Variants in LRRC9 observed in about 807,000 individuals in gnomAD.
The protein encoded by LRRC9 is leucine-rich repeat-containing protein 9.
Under a neutral mutation model 63.2 loss-of-function variants are expected in LRRC9, and 122 were observed. The ratio of observed to expected loss-of-function variants is 1.93; its 90% CI spans 1.67 to 2.24. The LOEUF (loss-of-function observed/expected upper bound fraction) is 2.24. Among genes scored for constraint, LRRC9 ranks in the 30% most tolerant of loss-of-function variants. LRRC9 has a pLI of 0.00. For missense variants in LRRC9, 1,071 were observed against 627.7 expected (o/e 1.71, Z -7.55); for synonymous variants, 366 against 213.1 (o/e 1.72, Z -6.25).
intron 29 of LRRC9, among the ~76,000 whole-genome samples, chr14:60,038,649 G>C (rs972895769): frequency 6.6e-6 from 1 of 152,182 alleles, no homozygotes; most frequent in African/African-American, 2.4e-5. Flanking sequence ...TTGCTTATCA[G>C]CTTACGGAGA....
chr14:59,926,984 T>A (rs1179786723), intron 1 of LRRC9, among the ~76,000 whole-genome samples: 1 of 152,170 alleles, frequency 6.6e-6, no homozygotes, highest in East Asian at 1.9e-4. Context: ...AAAAGTATCA[T>A]TTTTTCTTTT....
chr14:59,961,418 C>T (rs118006171), intron 10 of LRRC9, among the ~76,000 whole-genome samples: 2,125 of 152,086 alleles, frequency 0.014, 28 homozygotes, highest in South Asian at 0.032. Flanking sequence ...GTGCATGATT[C>T]TGAATATTGG....
At chr14:60,012,300 T>C (rs951119965) in intron 23 of LRRC9, among the ~76,000 whole-genome samples, 3 of 152,150 alleles carry the variant, frequency 2.0e-5, no homozygotes, top group African/African-American at 4.8e-5. Context: ...CTGAGCCTCA[T>C]TCTCTGTCCA....
At chr14:59,954,608 G>A (rs943549978) in intron 8 of LRRC9, among the ~76,000 whole-genome samples, 2 of 152,176 alleles carry the variant, frequency 1.3e-5, no homozygotes, top group Non-Finnish European at 2.9e-5. Flanking sequence ...TCTGCAAACA[G>A]AGACAATTTG....
chr14:59,983,032 C>T (rs1396989363), intron 16 of LRRC9, among the ~76,000 whole-genome samples: 2 of 152,162 alleles, frequency 1.3e-5, no homozygotes, highest in Non-Finnish European at 1.5e-5. Flanking sequence ...AGATATTAGG[C>T]CTACTTCTAT....
chr14:60,052,713 T>C (rs951493210), intron 29 of LRRC9, among the ~76,000 whole-genome samples: 1 of 152,226 alleles, frequency 6.6e-6, no homozygotes. Flanking sequence ...TAGGTGTGTG[T>C]TGAATTAATT....
intron 8 of LRRC9, among the ~76,000 whole-genome samples, chr14:59,955,644 C>T (rs1883663124): frequency 6.6e-6 from 1 of 152,148 alleles, no homozygotes; most frequent in Non-Finnish European, 1.5e-5. Context: ...CTACCTCCTT[C>T]AGTTCTGCTC....
rs1881905696 is a variant in LRRC9, at chr14:59,942,687, C to T, written c.727-1902C>T. ...AAGTTGCGGTGAGCCGATATCACAC[C>T]ACTGCACTTCAGCCTGGGTGACAGA... On this transcript the variant is annotated intron_variant, in intron 7 of 31. Transcript: ENST00000445360. This position sits in a 1 kb window ranked among gnomAD's most constrained non-coding sequence, Gnocchi z 5.3. Among the ~76,000 whole-genome samples the T allele has an allele frequency of 6.6e-6, 1 of 152,136 alleles. No homozygotes were observed. Among genetic ancestry groups the T allele is most frequent in the Admixed American group, 6.5e-5 (1 of 15,274 alleles).
intron 10 of LRRC9, among the ~76,000 whole-genome samples, chr14:59,965,093 T>A (rs1396443992): frequency 2.0e-5 from 3 of 152,110 alleles, no homozygotes; most frequent in African/African-American, 7.2e-5. Flanking sequence ...GCAAATGTAT[T>A]CCTTATAAGA....
At chr14:59,959,185 T>C (rs1257637939) in intron 8 of LRRC9, among the ~76,000 whole-genome samples, 2 of 152,180 alleles carry the variant, frequency 1.3e-5, no homozygotes, top group Non-Finnish European at 2.9e-5. Flanking sequence ...GTAATCAAGA[T>C]AAATAATATT....
chr14:60,031,068 C>T lies in LRRC9; in HGVS notation c.3922-927C>T, dbSNP rs987846472. On this transcript the variant is annotated intron_variant, in intron 28 of 31. Coordinates refer to ENST00000445360, the Ensembl canonical transcript of LRRC9. This position sits in a 1 kb window ranked among gnomAD's most constrained non-coding sequence, Gnocchi z 4.6. ...TTTGAGAAAATAATGTAAGACTTTTCGCATGTCCATGATTACTGATCAGGC... is the reference window on the plus strand; with the variant it reads ...TTTGAGAAAATAATGTAAGACTTTTTGCATGTCCATGATTACTGATCAGGC... 9.9e-5 allele frequency among the ~76,000 whole-genome samples: 15 copies of T among 152,028 alleles called. No homozygotes were observed. Among genetic ancestry groups the T allele is most frequent in the East Asian group, 7.7e-4 (4 of 5,188 alleles).
At chr14:59,979,337 G>A (rs1286952451) in intron 15 of LRRC9, among the ~76,000 whole-genome samples, 7 of 152,202 alleles carry the variant, frequency 4.6e-5, no homozygotes, top group East Asian at 1.9e-4. Flanking sequence ...AGAAAAACTC[G>A]GCCAGGTGCG....
chr14:60,053,031 G>A lies in LRRC9; in HGVS notation c.3991-34G>A. The stretch of plus-strand genomic sequence containing the variant: ...GGTTAATCTTTGAAATAAAAGTTTT[G>A]TAGGAATAAATTGTTATTTTTAACT... On this transcript the variant is annotated intron_variant, in intron 29 of 31. Transcript: ENST00000445360. This position sits in a 1 kb window ranked among gnomAD's most constrained non-coding sequence, Gnocchi z 4.8. The A allele has an allele frequency of 1.5e-6, 1 of 680,452 alleles. No homozygotes were observed. The highest frequency in any genetic ancestry group is 2.7e-6 in the Non-Finnish European group (1 of 373,242). The allele number at this position is 680,452 out of a possible 1,614,324, so 42.2% of individuals were successfully genotyped here.
chr14:60,019,799 A>G (rs219395), intron 26 of LRRC9, among the ~76,000 whole-genome samples: 113,385 of 151,176 alleles, frequency 0.75, 44,600 homozygotes, highest in Non-Finnish European at 0.87. Context: ...AAAAAATGAC[A>G]ACAAACCTTC....
chr14:59,938,274 T>G lies in LRRC9; in HGVS notation c.544-116T>G. ...ATTTTAGGCATCTAAATCACTTTAA[T>G]GTATTTAAGCGCATAATTAGAATGC... is the stretch of plus-strand genomic sequence containing the variant. On this transcript the variant is annotated intron_variant, in intron 6 of 31. Coordinates refer to ENST00000445360, the Ensembl canonical transcript of LRRC9. The surrounding 1 kb of genome is among the most constrained non-coding windows in gnomAD (Gnocchi z 4.2). 1 of 473,164 alleles carries G rather than the reference T, an allele frequency of 2.1e-6. No individual in the cohort carries two copies. The highest frequency in any genetic ancestry group is 4.2e-5 in the South Asian group (1 of 24,002). 29.3% of individuals were successfully genotyped at this position (473,164 alleles called of 1,614,324 possible).
At chr14:60,025,270 T>C (rs1016069115) in intron 27 of LRRC9, among the ~76,000 whole-genome samples, 21 of 151,610 alleles carry the variant, frequency 1.4e-4, no homozygotes, top group Non-Finnish European at 2.2e-4. Context: ...TTTTAATTTT[T>C]CTATCTTTTT....
chr14:60,045,747 ATCTT>A (rs1345209805), intron 29 of LRRC9, among the ~76,000 whole-genome samples: 1 of 152,176 alleles, frequency 6.6e-6, no homozygotes, highest in Non-Finnish European at 1.5e-5. Flanking sequence ...GCGTTCATGT[ATCTT>A]TCTAATAGAA....
At chr14:60,007,959 A>AAG in intron 22 of LRRC9, 133 bp from the exon 23 acceptor site, 1 of 424,806 alleles carries the variant, frequency 2.4e-6, no homozygotes, top group Non-Finnish European at 4.1e-6. Flanking sequence ...AAAAAAAAAA[A>AAG]AAAGTATACT....
intron 8 of LRRC9, among the ~76,000 whole-genome samples, chr14:59,945,442 A>G (rs1882265242): frequency 6.6e-6 from 1 of 151,926 alleles, no homozygotes; most frequent in South Asian, 2.1e-4. Context: ...TTTGCACTTT[A>G]CCAAATGTAA....
Sources: gnomAD v4.1 joint callset for allele counts (sites outside exome capture counted in the v4.1 genomes callset) on GRCh38, gnomAD v4.1.1 for gene constraint, Gnocchi (gnomAD v3.1) non-coding constraint, MANE v1.5 for transcripts, NCBI Gene and HGNC (gene_info 2026-07-23, HGNC 2026-07-21) for gene names.